RAB11FIP3: variants seen among roughly 807,000 people sequenced by gnomAD.
RAB11FIP3 encodes RAB11 family interacting protein 3.
In RAB11FIP3, 17 loss-of-function variants were observed where a neutral mutation model predicts 77.8. The ratio of observed to expected loss-of-function variants is 0.22; its 90% CI spans 0.15 to 0.33. The LOEUF (loss-of-function observed/expected upper bound fraction) is 0.33, where lower values mean the gene tolerates loss of function less well. Ranked by LOEUF, RAB11FIP3 falls within the 10% of genes least tolerant of loss-of-function variation. The pLI, the probability that RAB11FIP3 is intolerant of heterozygous loss-of-function variation, is 1.00. For missense variants in RAB11FIP3, 1,005 were observed against 1,011.2 expected (o/e 0.99, Z 0.08); for synonymous variants, 437 against 448.2 (o/e 0.98, Z 0.31).
chr16:431,617 C>G (rs966326143), intron 1 of RAB11FIP3, among the ~76,000 whole-genome samples: 1 of 152,130 alleles, frequency 6.6e-6, no homozygotes, highest in Non-Finnish European at 1.5e-5. Context: ...TCAAGTGATC[C>G]ACCTGCCTCA....
At chr16:445,613 A>T (rs1028671752) in intron 1 of RAB11FIP3, among the ~76,000 whole-genome samples, 1 of 152,128 alleles carries the variant, frequency 6.6e-6, no homozygotes, top group East Asian at 1.9e-4. Context: ...TCTGAGGCTG[A>T]CACCCTCAGG....
chr16:492,500 GAGGCCGCCCAGGGCCCTCCC>G (rs1227057141), intron 5 of RAB11FIP3, among the ~76,000 whole-genome samples: 9 of 108,808 alleles, frequency 8.3e-5, no homozygotes, highest in Non-Finnish European at 2.0e-4. Context: ...CGGGAGACCC[GAGGCCGCCCAGGGCCCTCCC>G]GGGAGACCCG....
In RAB11FIP3 at chr16:492,359, G is replaced by C. The variant is rs183904038; in HGVS notation, c.1265+3359G>C. On this transcript the variant is annotated intron_variant, in intron 5 of 13. Coordinates refer to ENST00000262305, the MANE Select transcript of RAB11FIP3 (RefSeq NM_014700.4). ...AAAGCAGAAGTGCTCTTTGAAGAGGGTCTTCCCGGGAGACCCGAGGCCGCC... is the reference window on the plus strand; with the variant it reads ...AAAGCAGAAGTGCTCTTTGAAGAGGCTCTTCCCGGGAGACCCGAGGCCGCC... Among the ~76,000 whole-genome samples the C allele has an allele frequency of 7.1e-3, 299 of 41,888 alleles. 9 individuals are homozygous for C. In the East Asian group the frequency reaches 0.19, roughly 27 times the overall value. 27.5% of individuals were successfully genotyped at this position (41,888 alleles called of 152,430 possible).
At chr16:487,267 A>G (rs971152315) in intron 4 of RAB11FIP3, among the ~76,000 whole-genome samples, 3 of 151,514 alleles carry the variant, frequency 2.0e-5, no homozygotes, top group African/African-American at 7.3e-5. Flanking sequence ...AGTAGCTGGG[A>G]CTACAGGCAC....
intron 6 of RAB11FIP3, 53 bp downstream of exon 6, chr16:496,912 C>T: frequency 2.0e-6 from 3 of 1,466,088 alleles, no homozygotes; most frequent in Non-Finnish European, 1.9e-6. Context: ...GATAATTAAT[C>T]ATAGTTTTTT....
At chr16:443,851 A>G (rs565725565) in intron 1 of RAB11FIP3, among the ~76,000 whole-genome samples, 1 of 152,216 alleles carries the variant, frequency 6.6e-6, no homozygotes, top group Non-Finnish European at 1.5e-5. Context: ...GGCATGAGCC[A>G]TCGCGCCCGG....
Position 520,185 on chromosome 16 carries a change from C to T in RAB11FIP3, c.1924C>T (p.Arg642Trp), listed in dbSNP as rs1172718920. ...LQLLKLEAEQ[R>W]RGRSSSMGLQ... ...GCTCCTCAAGCTGGAGGCCGAGCAG[C>T]GGCGGGGCCGCAGCAGCAGCATGGG... The change falls in exon 12 of 14, where the codon CGG becomes TGG. Residue 642 changes from arginine to tryptophan, a missense_variant. Transcript: ENST00000262305. 5 of 1,545,392 alleles carry T rather than the reference C, an allele frequency of 3.2e-6. No individual in the cohort carries two copies. The highest frequency in any genetic ancestry group is 2.4e-5 in the East Asian group (1 of 41,084).
chr16:476,459 G>A (rs559121399), intron 3 of RAB11FIP3, among the ~76,000 whole-genome samples: 2 of 152,206 alleles, frequency 1.3e-5, no homozygotes, highest in Admixed American at 1.3e-4. Context: ...CCCTCCCTTC[G>A]TAGGACAGAT....
chr16:503,410 CCAGA>C (rs1471808266), intron 7 of RAB11FIP3, among the ~76,000 whole-genome samples: 1 of 152,284 alleles, frequency 6.6e-6, no homozygotes, highest in East Asian at 1.9e-4. Context: ...TGGGGGACAC[CCAGA>C]CATTCAGTCC....
intron 10 of RAB11FIP3, among the ~76,000 whole-genome samples, chr16:519,408 G>C (rs753628496): frequency 6.6e-6 from 1 of 152,242 alleles, no homozygotes; most frequent in African/African-American, 2.4e-5. Flanking sequence ...GAAGCTCCCA[G>C]GAAGGATATT....
chr16:492,520 C>CCG (rs370872664), intron 5 of RAB11FIP3, among the ~76,000 whole-genome samples: 24 of 138,368 alleles, frequency 1.7e-4, no homozygotes, highest in East Asian at 5.4e-4. Context: ...AGGGCCCTCC[C>CCG]GGGAGACCCG....
chr16:466,853 G>A (rs1298554974), intron 2 of RAB11FIP3, among the ~76,000 whole-genome samples: 3 of 152,156 alleles, frequency 2.0e-5, no homozygotes, highest in Admixed American at 6.5e-5. Flanking sequence ...GGGCTCCTGC[G>A]CCTGTCTGCT....
At position 521,474 on chromosome 16, in the gene RAB11FIP3, T is replaced by C. The variant is rs1447443917; in HGVS notation, c.*635T>C. Reference sequence around the variant, plus strand: ...GCTCTCCCTACGCTGCTCGGGCCATTGCCCAGCCAGATGTGGTCACCTCAG... The same window carrying C: ...GCTCTCCCTACGCTGCTCGGGCCATCGCCCAGCCAGATGTGGTCACCTCAG... On this transcript the variant is annotated 3_prime_UTR_variant, in exon 14 of 14. Transcript: ENST00000262305. The C allele has an allele frequency of 1.3e-5, 2 of 153,882 alleles. No homozygotes were observed. Among genetic ancestry groups the C allele is most frequent in the South Asian group, 2.0e-4 (1 of 4,928 alleles). The allele number at this position is 153,882 out of a possible 1,614,324, so 9.5% of individuals were successfully genotyped here.
At position 514,083 on chromosome 16, in the gene RAB11FIP3, C is replaced by G. The variant is rs2032302875; in HGVS notation, c.1640+3283C>G. 1.3e-5 allele frequency among the ~76,000 whole-genome samples: 2 copies of G among 152,228 alleles called. No homozygotes were observed. ...TCTCACGAGGCCCTCAGGGAGCAAG[C>G]AGGGCCCAGTGTCACTGCCTCTTGT... On this transcript the variant is annotated intron_variant, in intron 9 of 13. Transcript: ENST00000262305. The surrounding 1 kb of genome is among the most constrained non-coding windows in gnomAD (Gnocchi z 4.6).
rs1164903426 is a variant in RAB11FIP3 at position 486,893 on chromosome 16, TC to T, written c.1116-1957del. 2.0e-5 allele frequency among the ~76,000 whole-genome samples: 3 copies of T among 152,214 alleles called. No homozygotes were observed. In the East Asian group the frequency reaches 5.8e-4, roughly 29 times the overall value. On this transcript the variant is annotated intron_variant, in intron 4 of 13. Coordinates refer to ENST00000262305, the MANE Select transcript of RAB11FIP3 (RefSeq NM_014700.4). ...TTTCCTCTCGCTGATTCTCCTCCCC[TC>T]AGAGGGCAGTTTTCTGTCACAGTAT... is the stretch of plus-strand genomic sequence containing the variant.
intron 1 of RAB11FIP3, among the ~76,000 whole-genome samples, chr16:439,814 C>T (rs1280344194): frequency 6.6e-6 from 1 of 151,820 alleles, no homozygotes; most frequent in African/African-American, 2.4e-5. Context: ...GAGGGGCTTC[C>T]AGGTCACAGA....
intron 10 of RAB11FIP3, 38 bp from the exon 11 acceptor site, chr16:519,716 G>A (rs377146808): frequency 8.8e-5 from 142 of 1,604,706 alleles, no homozygotes; most frequent in Non-Finnish European, 1.2e-4. Context: ...ACAGGTAGGT[G>A]CGTGACCCGC....
rs1462866603 is a variant in RAB11FIP3 at position 494,250 on chromosome 16, G to T, written c.1266-2574G>T. ...TGGGCTGCCAGTCCAGGCCCTGAAA[G>T]GTCAGTAGGTAAACTGAACGATGAG... On this transcript the variant is annotated intron_variant, in intron 5 of 13. Coordinates refer to ENST00000262305, the MANE Select transcript of RAB11FIP3 (RefSeq NM_014700.4). 2.0e-5 allele frequency among the ~76,000 whole-genome samples: 3 copies of T among 151,406 alleles called. No homozygotes were observed. The East Asian group carries it at 5.8e-4, about 29-fold the overall frequency.
At chr16:480,438 C>G (rs908128744) in intron 3 of RAB11FIP3, among the ~76,000 whole-genome samples, 1 of 152,280 alleles carries the variant, frequency 6.6e-6, no homozygotes, top group Non-Finnish European at 1.5e-5. Flanking sequence ...CATTCTCCTG[C>G]TTCAGCCTCC....
Sources: allele counts gnomAD v4.1 joint callset (sites outside exome capture counted in the v4.1 genomes callset), GRCh38; gene constraint gnomAD v4.1.1; non-coding constraint Gnocchi (gnomAD v3.1); transcripts MANE v1.5; gene names NCBI Gene and HGNC (gene_info 2026-07-23, HGNC 2026-07-21).